TRMT44: variants seen among roughly 807,000 people sequenced by gnomAD.
TRMT44 encodes the protein tRNA methyltransferase 44 homolog, also known as probable tRNA (uracil-O(2)-)-methyltransferase.
TRMT44 carries 78 observed loss-of-function variants against 77.3 expected under a neutral mutation model. That is an observed-to-expected ratio of 1.01 (90% CI 0.84 to 1.22). The LOEUF (loss-of-function observed/expected upper bound fraction) is 1.22, where lower values mean the gene tolerates loss of function less well. Among genes scored for constraint, TRMT44 ranks in the 50% most tolerant of loss-of-function variants. The pLI, the probability that TRMT44 is intolerant of heterozygous loss-of-function variation, is 0.00. For missense variants in TRMT44, 1,090 were observed against 964.4 expected (o/e 1.13, Z -1.73); for synonymous variants, 391 against 383.3 (o/e 1.02, Z -0.23).
Position 8,444,784 on chromosome 4 carries a change from A to G in TRMT44, c.620-1692A>G, listed in dbSNP as rs1724961409. Among the ~76,000 whole-genome samples, 1 of 152,262 alleles carries G rather than the reference A, an allele frequency of 6.6e-6. No homozygotes were observed. The highest frequency in any genetic ancestry group is 2.1e-4 in the South Asian group (1 of 4,834). On this transcript the variant is annotated intron_variant, in intron 1 of 10. Transcript: ENST00000389737. This position sits in a 1 kb window ranked among gnomAD's most constrained non-coding sequence, Gnocchi z 4.0. ...AAATGTTTGAGGGGATGGATGCCCC[A>G]TTCTCCATGATGTGATTAGTTCACA...
At chr4:8,474,682 T>C (rs1053085568) in intron 10 of TRMT44, among the ~76,000 whole-genome samples, 2 of 152,210 alleles carry the variant, frequency 1.3e-5, no homozygotes, top group Non-Finnish European at 2.9e-5. Context: ...GAGGCTCCTT[T>C]ATTCCCCCGA....
chr4:8,506,690 G>A, the TRMT44 span: 2 of 152,302 alleles, frequency 1.3e-5, no homozygotes, highest in Admixed American at 6.5e-5. Context: ...TCACCTCCTG[G>A]GCCAGCCCCT....
intron 8 of TRMT44, among the ~76,000 whole-genome samples, chr4:8,466,443 G>C (rs1444889814): frequency 2.0e-5 from 3 of 152,236 alleles, no homozygotes; most frequent in Admixed American, 2.0e-4. Context: ...AGGGCATGTT[G>C]TGGGCACTCG....
chr4:8,463,280 C>T (rs1454782444), intron 6 of TRMT44, among the ~76,000 whole-genome samples: 2 of 152,158 alleles, frequency 1.3e-5, no homozygotes, highest in Non-Finnish European at 2.9e-5. Flanking sequence ...GCTATTGAAA[C>T]TGTTGATTTC....
At chr4:8,496,067 T>C (rs1728141457), downstream of TRMT44, among the ~76,000 whole-genome samples, 1 of 152,184 alleles carries the variant, frequency 6.6e-6, no homozygotes, top group Non-Finnish European at 1.5e-5. Context: ...AAACCTTCAT[T>C]TGCATAGAGT....
At chr4:8,491,408 C>A (rs1054243334) in intron 2 of TRMT44, among the ~76,000 whole-genome samples, 1 of 152,238 alleles carries the variant, frequency 6.6e-6, no homozygotes, top group Non-Finnish European at 1.5e-5. Context: ...GCTGTGCGCT[C>A]GCACTCCTCA....
chr4:8,441,049 AG>A lies in TRMT44; in HGVS notation c.230del (p.Gly77ValfsTer45). The A allele has an allele frequency of 4.7e-6, 7 of 1,487,954 alleles. No individual in the cohort carries two copies. The highest frequency in any genetic ancestry group is 6.2e-6 in the Non-Finnish European group (7 of 1,125,786). 92.2% of individuals were successfully genotyped at this position (1,487,954 alleles called of 1,614,324 possible). ...EQKERGPGPG[Q>X]GSPGGGPGPR... ...AAGGAGCGGGGTCCGGGACCCGGCC[AG>A]GGTTCCCCCGGAGGGGGCCCGGGTC... On this transcript the variant is annotated frameshift_variant, in exon 1 of 11. Transcript: ENST00000389737. LOFTEE classifies it high-confidence loss of function.
chr4:8,491,652 G>T (rs1728010327), intron 2 of TRMT44, among the ~76,000 whole-genome samples: 1 of 152,238 alleles, frequency 6.6e-6, no homozygotes, highest in African/African-American at 2.4e-5. Context: ...CGCTGGCCCG[G>T]GTGCCAAGTC....
At chr4:8,498,334 G>A (rs760328481), downstream of TRMT44, among the ~76,000 whole-genome samples, 2 of 152,078 alleles carry the variant, frequency 1.3e-5, no homozygotes, top group African/African-American at 4.8e-5. The surrounding 1 kb of genome is among the most constrained non-coding windows in gnomAD (Gnocchi z 4.3). Context: ...TCCTGTATTC[G>A]TCTGTTCTCA....
chr4:8,443,600 A>G (rs925724995), intron 1 of TRMT44, among the ~76,000 whole-genome samples: 1 of 152,210 alleles, frequency 6.6e-6, no homozygotes, highest in African/African-American at 2.4e-5. Context: ...GAATTAATAC[A>G]TTGTAAAGTG....
the TRMT44 span, among the ~76,000 whole-genome samples, chr4:8,505,829 G>A: frequency 1.6e-4 from 25 of 152,338 alleles, no homozygotes; most frequent in Non-Finnish European, 3.1e-4. Context: ...TCTGGTGATA[G>A]TGAGGGAGTT....
chr4:8,497,279 C>T (rs1269902618), downstream of TRMT44, among the ~76,000 whole-genome samples: 3 of 152,182 alleles, frequency 2.0e-5, no homozygotes, highest in African/African-American at 4.8e-5. Context: ...TCGTTTGATG[C>T]AGCTGCAAGT....
intron 1 of TRMT44, among the ~76,000 whole-genome samples, chr4:8,442,314 CTG>C (rs1461297384): frequency 1.3e-5 from 2 of 152,158 alleles, no homozygotes; most frequent in Non-Finnish European, 2.9e-5. Context: ...AGACAAATAA[CTG>C]TGAAAGAGCA....
intron 9 of TRMT44, 79 bp downstream of exon 9, chr4:8,468,425 A>G (rs748165695): frequency 2.8e-6 from 4 of 1,427,486 alleles, no homozygotes; most frequent in Middle Eastern, 3.6e-4. Flanking sequence ...CAGAACCGAC[A>G]TGAAATGGTG....
intron 10 of TRMT44, among the ~76,000 whole-genome samples, chr4:8,472,228 C>A (rs1007940320): frequency 3.3e-5 from 5 of 152,102 alleles, no homozygotes; most frequent in African/African-American, 1.2e-4. Flanking sequence ...GGAAATGACA[C>A]TTGAGCTGGG....
the TRMT44 span, among the ~76,000 whole-genome samples, chr4:8,499,591 G>A: frequency 2.4e-5 from 1 of 41,764 alleles, no homozygotes; most frequent in Admixed American, 2.9e-4. Flanking sequence ...CCTGAGGGTC[G>A]ATTTAGTGTG....
intron 8 of TRMT44, 149 bp from the exon 9 acceptor site, chr4:8,467,765 A>C: frequency 1.1e-6 from 1 of 876,194 alleles, no homozygotes; most frequent in Non-Finnish European, 1.7e-6. Flanking sequence ...GAGCCACCGT[A>C]CCTGGCTGGT....
chr4:8,454,788 T>A lies in TRMT44; in HGVS notation c.1178T>A (p.Met393Lys). The A allele has an allele frequency of 6.2e-7, 1 of 1,614,222 alleles. No individual in the cohort carries two copies. Among genetic ancestry groups the A allele is most frequent in the Non-Finnish European group, 8.5e-7 (1 of 1,180,040 alleles). The change falls in exon 6 of 11, where the codon ATG becomes AAG. Residue 393 changes from methionine to lysine, a missense_variant. Coordinates refer to ENST00000389737, the MANE Select transcript of TRMT44 (RefSeq NM_152544.3). ...GTCCGAAGAAGAAAAATCTGGGACA[T>A]GTATGGACCACAAACTCAGTTAGAG... is the stretch of plus-strand genomic sequence containing the variant. The part of the protein sequence containing the change: ...IDVRRRKIWD[M>K]YGPQTQLEED...
chr4:8,500,290 G>A, the TRMT44 span, among the ~76,000 whole-genome samples: 13,599 of 152,090 alleles, frequency 0.089, 679 homozygotes, highest in South Asian at 0.19. Flanking sequence ...TCAGGAGTTC[G>A]AGACCAGCCT....
Sources: gnomAD v4.1 joint callset for allele counts (sites outside exome capture counted in the v4.1 genomes callset) on GRCh38, gnomAD v4.1.1 for gene constraint, Gnocchi (gnomAD v3.1) non-coding constraint, MANE v1.5 for transcripts, NCBI Gene and HGNC (gene_info 2026-07-23, HGNC 2026-07-21) for gene names.